DIP2C: variants seen among roughly 807,000 people sequenced by gnomAD.
DIP2C encodes the protein disco-interacting protein 2 homolog C.
Under a neutral mutation model 192.4 loss-of-function variants are expected in DIP2C, and 33 were observed. The ratio of observed to expected loss-of-function variants is 0.17; its 90% CI spans 0.13 to 0.23. DIP2C has a LOEUF of 0.23. Ranked by LOEUF, DIP2C falls within the 10% of genes least tolerant of loss-of-function variation. The pLI, the probability that DIP2C is intolerant of heterozygous loss-of-function variation, is 1.00. For synonymous variants in DIP2C, 979 were observed against 864.1 expected, an observed-to-expected ratio of 1.13 and a Z score of -2.33; for missense variants, 1,537 against 2,110.1, an observed-to-expected ratio of 0.73 and a Z score of 5.32.
intron 1 of DIP2C, chr10:662,757 T>A: frequency 1.5e-6 from 1 of 653,148 alleles, no homozygotes; most frequent in Non-Finnish European, 2.8e-6. Flanking sequence ...ATCTAACTTA[T>A]CTTATTTCTC....
Position 345,070 on chromosome 10 carries a change from C to CA in DIP2C, c.3271dup (p.Cys1091LeufsTer2). 6.2e-7 allele frequency: 1 copy of CA among 1,613,552 alleles called. No individual in the cohort carries two copies. Among genetic ancestry groups the CA allele is most frequent in the Non-Finnish European group, 8.5e-7 (1 of 1,179,978 alleles). On this transcript the variant is annotated frameshift_variant, in exon 27 of 37. Transcript: ENST00000280886. LOFTEE classifies it high-confidence loss of function. ...CGCCTCCCTGGACCGCAGCAACTTACAGATCAGCTGTGTCGTCATCAGACA... is the reference window on the plus strand; with the variant it reads ...CGCCTCCCTGGACCGCAGCAACTTACAAGATCAGCTGTGTCGTCATCAGACA...
intron 1 of DIP2C, among the ~76,000 whole-genome samples, chr10:604,311 G>A (rs190680726): frequency 6.6e-6 from 1 of 152,280 alleles, no homozygotes; most frequent in East Asian, 1.9e-4. Context: ...AGTCACCCAT[G>A]CAACCTATAA....
At chr10:619,545 T>TCCCTCCCTCCCTCCCTCCCA (rs1554757207) in intron 1 of DIP2C, among the ~76,000 whole-genome samples, 17 of 15,874 alleles carry the variant, frequency 1.1e-3, no homozygotes, top group African/African-American at 4.0e-3. Context: ...CCGCCCGCCC[T>TCCCTCCCTCCCTCCCTCCCA]CCCACCCAGC....
chr10:339,315 A>G (rs553022719), intron 29 of DIP2C, among the ~76,000 whole-genome samples: 10 of 152,202 alleles, frequency 6.6e-5, no homozygotes, highest in African/African-American at 2.2e-4. Context: ...ATTCATGGCT[A>G]TATTTATTTT....
rs1177020521 is a variant in DIP2C, at chr10:436,852, G to C, written c.394+4019C>G. Among the ~76,000 whole-genome samples the C allele has an allele frequency of 2.9e-5, 4 of 140,244 alleles. 1 individual carries two copies. Among genetic ancestry groups the C allele is most frequent in the Non-Finnish European group, 6.1e-5 (4 of 65,696 alleles). 92.0% of individuals were successfully genotyped at this position (140,244 alleles called of 152,430 possible). On this transcript the variant is annotated intron_variant, in intron 4 of 36. Transcript: ENST00000280886. ...CCACCCACACCTGAGCTCTCTCTGA[G>C]CTCCACCTCCTGGACATGGTAGGGT... is the stretch of plus-strand genomic sequence containing the variant.
chr10:285,215 G>A (rs1370142655), intron 34 of DIP2C, among the ~76,000 whole-genome samples: 1 of 152,136 alleles, frequency 6.6e-6, no homozygotes, highest in African/African-American at 2.4e-5. Flanking sequence ...TGAGAACTGG[G>A]GAGGGCTTGC....
intron 1 of DIP2C, among the ~76,000 whole-genome samples, chr10:685,987 T>A (rs1041874387): frequency 6.6e-6 from 1 of 151,950 alleles, no homozygotes; most frequent in African/African-American, 2.4e-5. Flanking sequence ...AAGACATGAG[T>A]TTGTCTTTAT....
intron 1 of DIP2C, among the ~76,000 whole-genome samples, chr10:521,638 GTTAC>G (rs1564815593): frequency 6.6e-6 from 1 of 152,194 alleles, no homozygotes; most frequent in African/African-American, 2.4e-5. Flanking sequence ...TTTGTAGTGA[GTTAC>G]TTAATGCAAA....
At chr10:387,875 CA>C in intron 13 of DIP2C, 66 bp from the exon 14 acceptor site, 1 of 1,496,332 alleles carries the variant, frequency 6.7e-7, no homozygotes. Flanking sequence ...AAAATGCAAA[CA>C]AAATCCAATA....
intron 9 of DIP2C, among the ~76,000 whole-genome samples, chr10:407,577 T>C (rs1964895726): frequency 6.6e-6 from 1 of 152,150 alleles, no homozygotes; most frequent in Non-Finnish European, 1.5e-5. Context: ...CTTCCCCACA[T>C]CCTTGCCAAC....
At chr10:314,814 C>A (rs113321949) in intron 31 of DIP2C, among the ~76,000 whole-genome samples, 2 of 152,264 alleles carry the variant, frequency 1.3e-5, no homozygotes, top group Middle Eastern at 3.4e-3. Flanking sequence ...AGGGCTCCAC[C>A]CTCATGATCT....
intron 3 of DIP2C, among the ~76,000 whole-genome samples, chr10:459,957 AC>A (rs1969633604): frequency 7.7e-6 from 1 of 129,312 alleles, no homozygotes; most frequent in African/African-American, 3.1e-5. Context: ...GAGCTCTAGG[AC>A]CTTCCCACAG....
intron 31 of DIP2C, 140 bp downstream of exon 31, chr10:326,866 C>T: frequency 9.9e-7 from 1 of 1,011,854 alleles, no homozygotes; most frequent in Non-Finnish European, 1.4e-6. Flanking sequence ...AGATCTGCAC[C>T]AACCGCATGC....
chr10:414,739 G>GTGTC, intron 7 of DIP2C, among the ~76,000 whole-genome samples: 5 of 90,504 alleles, frequency 5.5e-5, no homozygotes, highest in Non-Finnish European at 8.6e-5. Context: ...GTGTGTGTGT[G>GTGTC]TACATATATA....
At position 459,351 on chromosome 10, in the gene DIP2C, G is replaced by T. The variant is rs569549662; in HGVS notation, c.268+13088C>A. Among the ~76,000 whole-genome samples, 9 of 131,942 alleles carry T rather than the reference G, an allele frequency of 6.8e-5. No individual in the cohort carries two copies. The South Asian group carries it at 1.2e-3, about 18-fold the overall frequency. The allele number at this position is 131,942 out of a possible 152,430, so 86.6% of individuals were successfully genotyped here. On this transcript the variant is annotated intron_variant, in intron 3 of 36. Coordinates refer to ENST00000280886, the MANE Select transcript of DIP2C (RefSeq NM_014974.3). ...GAACCCCTGAGGGTCCCTGGGCTCT[G>T]TTGGAAGCTTGCTGTCCCAGAGGAC...
intron 1 of DIP2C, among the ~76,000 whole-genome samples, chr10:524,654 G>C (rs1846942697): frequency 6.6e-6 from 1 of 152,024 alleles, no homozygotes; most frequent in Non-Finnish European, 1.5e-5. Flanking sequence ...CTAAGTATTA[G>C]CGTTTTATTT....
chr10:466,710 C>A (rs1044561711), intron 3 of DIP2C, among the ~76,000 whole-genome samples: 10 of 151,786 alleles, frequency 6.6e-5, no homozygotes, highest in Admixed American at 2.0e-4. Context: ...ACAACCCCAT[C>A]AAAAAGTGGG....
chr10:393,097 G>A (rs914908676), intron 10 of DIP2C, among the ~76,000 whole-genome samples: 10 of 152,142 alleles, frequency 6.6e-5, no homozygotes, highest in Non-Finnish European at 1.3e-4. Flanking sequence ...AGGTGGCGTC[G>A]GCCTCAGTCT....
intron 1 of DIP2C, among the ~76,000 whole-genome samples, chr10:538,300 G>A (rs929121478): frequency 6.6e-6 from 1 of 151,976 alleles, no homozygotes; most frequent in African/African-American, 2.4e-5. Context: ...AGGACTACAG[G>A]TGTGCACCAC....
Sources: gnomAD v4.1 joint callset for allele counts (sites outside exome capture counted in the v4.1 genomes callset) on GRCh38, gnomAD v4.1.1 for gene constraint, MANE v1.5 for transcripts, NCBI Gene and HGNC (gene_info 2026-07-23, HGNC 2026-07-21) for gene names.